EVC2: variants seen among roughly 807,000 people sequenced by gnomAD.
The protein encoded by EVC2 is EvC ciliary complex subunit 2, also known as limbin.
EVC2 carries 148 observed loss-of-function variants against 149.3 expected under a neutral mutation model. The ratio of observed to expected loss-of-function variants is 0.99; its 90% CI spans 0.87 to 1.14. The LOEUF is 1.14. EVC2 is among the 50% of genes most tolerant of loss of function. The probability of loss-of-function intolerance (pLI) is 0.00; values close to 1 mark genes in which losing one functional copy is unlikely to be tolerated. For synonymous variants in EVC2, 776 were observed against 649.9 expected (o/e 1.19, Z -2.95); for missense variants, 1,854 against 1,627.3 (o/e 1.14, Z -2.40).
chr4:5,580,798 A>ATATGGTTTAG (rs57212531), intron 17 of EVC2, among the ~76,000 whole-genome samples: 1 of 152,146 alleles, frequency 6.6e-6, no homozygotes, highest in African/African-American at 2.4e-5. Flanking sequence ...TTAAAGACTG[A>ATATGGTTTAG]ATTTGTCATG....
chr4:5,558,451 A>C (rs985843879), downstream of EVC2, among the ~76,000 whole-genome samples: 1 of 152,248 alleles, frequency 6.6e-6, no homozygotes, highest in Non-Finnish European at 1.5e-5. Flanking sequence ...TTGTGGATAC[A>C]TGGCACTATA....
At chr4:5,574,907 G>A (rs1722829808) in intron 18 of EVC2, 135 bp from the exon 19 acceptor site, 1 of 935,748 alleles carries the variant, frequency 1.1e-6, no homozygotes, top group Non-Finnish European at 1.7e-6. Flanking sequence ...AGAAAGAGAT[G>A]GCCAGAAAGA....
intron 16 of EVC2, among the ~76,000 whole-genome samples, chr4:5,611,389 T>A (rs1006101510): frequency 6.6e-6 from 1 of 152,168 alleles, no homozygotes. Context: ...CTAGACACAG[T>A]TTTTCTTTTA....
At chr4:5,675,795 T>G (rs995150638) in intron 7 of EVC2, among the ~76,000 whole-genome samples, 2 of 152,060 alleles carry the variant, frequency 1.3e-5, no homozygotes, top group African/African-American at 2.4e-5. Context: ...TAATACAAAA[T>G]TAGCTGGGCC....
rs899478877 is a variant in EVC2, at chr4:5,696,740, G to A, written c.283+853C>T. Reference sequence around the variant, plus strand: ...GGTCCAGCAGTGCCAGGGCCTGTGCGTTTCAGTTACAGATGCCAATGAATT... The same window carrying A: ...GGTCCAGCAGTGCCAGGGCCTGTGCATTTCAGTTACAGATGCCAATGAATT... On this transcript the variant is annotated intron_variant, in intron 2 of 21. Coordinates refer to ENST00000344408, the MANE Select transcript of EVC2 (RefSeq NM_147127.5). The surrounding 1 kb of genome is among the most constrained non-coding windows in gnomAD (Gnocchi z 4.1). Among the ~76,000 whole-genome samples the A allele has an allele frequency of 1.3e-5, 2 of 152,180 alleles. No homozygotes were observed. The highest frequency in any genetic ancestry group is 4.8e-5 in the African/African-American group (2 of 41,460).
In EVC2 at chr4:5,568,451, T is replaced by C; in HGVS notation, c.3550A>G (p.Arg1184Gly). The C allele has an allele frequency of 1.3e-6, 2 of 1,557,452 alleles. No homozygotes were observed. Among genetic ancestry groups the C allele is most frequent in the Non-Finnish European group, 1.7e-6 (2 of 1,158,402 alleles). Residue 1184 changes from arginine to glycine, a missense_variant, in exon 20 of 22, where the codon AGG (arginine) becomes GGG (glycine). By Grantham distance (125) the Arg-to-Gly change is moderately radical. Transcript: ENST00000344408. The part of the protein sequence containing the change: ...DGGAEQADVG[R>G]RRKHQSWWQA... Reference sequence around the variant, plus strand: ...CCCCTCCACGGCACTCACCTCCGCCTGCCCACGTCGGCCTGCTCCGCTCCG... The same window carrying C: ...CCCCTCCACGGCACTCACCTCCGCCCGCCCACGTCGGCCTGCTCCGCTCCG...
intron 21 of EVC2, among the ~76,000 whole-genome samples, chr4:5,557,188 A>C (rs1261941086): frequency 2.0e-5 from 3 of 152,158 alleles, no homozygotes; most frequent in Non-Finnish European, 2.9e-5. Flanking sequence ...TATATTTACA[A>C]ATTAAATCCA....
chr4:5,605,736 C>G (rs1714339976), intron 16 of EVC2, among the ~76,000 whole-genome samples: 1 of 152,192 alleles, frequency 6.6e-6, no homozygotes. Context: ...ATCTGACAAA[C>G]TTGCCCCAAG....
intron 9 of EVC2, among the ~76,000 whole-genome samples, chr4:5,655,901 T>G (rs375572550): frequency 2.0e-5 from 3 of 152,066 alleles, no homozygotes; most frequent in Non-Finnish European, 4.4e-5. Flanking sequence ...GGATTTCCAG[T>G]GGAATATCTC....
chr4:5,640,293 G>A lies in EVC2; in HGVS notation c.1470+221C>T, dbSNP rs1717225937. Among the ~76,000 whole-genome samples the A allele has an allele frequency of 6.6e-6, 1 of 151,970 alleles. No individual in the cohort carries two copies. The highest frequency in any genetic ancestry group is 1.5e-5 in the Non-Finnish European group (1 of 67,982). The stretch of plus-strand genomic sequence containing the variant: ...TGGATGAGTGGGTGGATGGATGAGT[G>A]GGTGAATGGGTAGATGGGTGGATGG... On this transcript the variant is annotated intron_variant, in intron 10 of 21. Transcript: ENST00000344408. The surrounding 1 kb of genome is among the most constrained non-coding windows in gnomAD (Gnocchi z 4.6).
intron 10 of EVC2, among the ~76,000 whole-genome samples, chr4:5,638,186 C>T (rs1292964607): frequency 2.6e-5 from 4 of 151,972 alleles, no homozygotes; most frequent in East Asian, 3.9e-4. Flanking sequence ...GTCAGGAGTT[C>T]GAGATCAGTG....
At chr4:5,575,305 T>G (rs1239502946) in intron 18 of EVC2, among the ~76,000 whole-genome samples, 1 of 152,198 alleles carries the variant, frequency 6.6e-6, no homozygotes, top group Non-Finnish European at 1.5e-5. Flanking sequence ...CTTCTGCAAG[T>G]GCAACTCAAA....
At chr4:5,584,146 C>T (rs1460778052) in intron 17 of EVC2, among the ~76,000 whole-genome samples, 1 of 151,806 alleles carries the variant, frequency 6.6e-6, no homozygotes, top group Non-Finnish European at 1.5e-5. Flanking sequence ...AAAATCTACA[C>T]ATAAAAGACC....
chr4:5,624,307 T>C (rs1436668313), intron 13 of EVC2, among the ~76,000 whole-genome samples: 1 of 152,216 alleles, frequency 6.6e-6, no homozygotes, highest in African/African-American at 2.4e-5. Context: ...AAGAACTCAA[T>C]AAATATTAGC....
chr4:5,582,113 G>A (rs1445547215), intron 17 of EVC2, among the ~76,000 whole-genome samples: 2 of 152,220 alleles, frequency 1.3e-5, no homozygotes, highest in African/African-American at 2.4e-5. Context: ...ATGTGGGGTT[G>A]GAGCCCCCAC....
At chr4:5,616,259 T>G (rs1715242638) in intron 15 of EVC2, among the ~76,000 whole-genome samples, 1 of 152,156 alleles carries the variant, frequency 6.6e-6, no homozygotes. Flanking sequence ...ACAGGGAGCC[T>G]TGAGGTCATG....
Position 5,679,584 on chromosome 4 carries a change from TAA to T in EVC2, c.870+1674_870+1675del, listed in dbSNP as rs1720209965. 6.6e-6 allele frequency among the ~76,000 whole-genome samples: 1 copy of T among 152,208 alleles called. No homozygotes were observed. Among genetic ancestry groups the T allele is most frequent in the African/African-American group, 2.4e-5 (1 of 41,462 alleles). On this transcript the variant is annotated intron_variant, in intron 7 of 21. Transcript: ENST00000344408. This position sits in a 1 kb window ranked among gnomAD's most constrained non-coding sequence, Gnocchi z 5.1. ...TATGCTGTGCAGGTTTCTTCAGTAATAAGTTAATCTTGGCTTACTGTAATTTT... is the reference window on the plus strand; with the variant it reads ...TATGCTGTGCAGGTTTCTTCAGTAATGTTAATCTTGGCTTACTGTAATTTT...
In EVC2 at chr4:5,686,037, AATAT is replaced by A. The variant is rs1435091063; in HGVS notation, c.707-562_707-559del. 6.6e-6 allele frequency among the ~76,000 whole-genome samples: 1 copy of A among 151,886 alleles called. No homozygotes were observed. Among genetic ancestry groups the A allele is most frequent in the Admixed American group, 6.6e-5 (1 of 15,216 alleles). On this transcript the variant is annotated intron_variant, in intron 5 of 21. Coordinates refer to ENST00000344408, the MANE Select transcript of EVC2 (RefSeq NM_147127.5). This position sits in a 1 kb window ranked among gnomAD's most constrained non-coding sequence, Gnocchi z 5.4. ...TTTCTCAATGTATGCAGACCTCAAA[AATAT>A]ATATAGATACATATATACACACATA... is the stretch of plus-strand genomic sequence containing the variant.
At chr4:5,647,505 A>T (rs1164353255) in intron 9 of EVC2, among the ~76,000 whole-genome samples, 1 of 152,198 alleles carries the variant, frequency 6.6e-6, no homozygotes, top group Admixed American at 6.5e-5. Context: ...TGCTTATTGA[A>T]CATGTGTCTA....
Sources: allele counts gnomAD v4.1 joint callset (sites outside exome capture counted in the v4.1 genomes callset), GRCh38; gene constraint gnomAD v4.1.1; non-coding constraint Gnocchi (gnomAD v3.1); transcripts MANE v1.5; gene names NCBI Gene and HGNC (gene_info 2026-07-23, HGNC 2026-07-21).